ANKS1B: variants seen among roughly 807,000 people sequenced by gnomAD.
ANKS1B encodes the protein ankyrin repeat and sterile alpha motif domain-containing protein 1B.
A neutral mutation model predicts 148.3 loss-of-function variants in ANKS1B; 36 were observed. The observed-to-expected ratio is 0.24, with a 90% CI of 0.19 to 0.32. The LOEUF is 0.32. Among genes scored for constraint, ANKS1B ranks in the 10% least tolerant of loss-of-function variants. The pLI, the probability that ANKS1B is intolerant of heterozygous loss-of-function variation, is 1.00. For missense variants in ANKS1B, 1,157 were observed against 1,542.6 expected, an observed-to-expected ratio of 0.75 and a Z score of 4.19; for synonymous variants, 542 against 560.8, an observed-to-expected ratio of 0.97 and a Z score of 0.47.
intron 8 of ANKS1B, among the ~76,000 whole-genome samples, chr12:99,721,671 A>C (rs2058098593): frequency 6.6e-6 from 1 of 152,138 alleles, no homozygotes; most frequent in Non-Finnish European, 1.5e-5. Flanking sequence ...GCCTGCACCC[A>C]GGTGATTAAA....
chr12:99,515,225 A>C (rs1055639857), intron 9 of ANKS1B, among the ~76,000 whole-genome samples: 3 of 152,060 alleles, frequency 2.0e-5, no homozygotes, highest in African/African-American at 4.8e-5. Context: ...ATTGTTATTG[A>C]CTATAGCGCC....
intron 12 of ANKS1B, among the ~76,000 whole-genome samples, chr12:99,320,778 T>G (rs1428894798): frequency 6.6e-6 from 1 of 152,234 alleles, no homozygotes; most frequent in Non-Finnish European, 1.5e-5. Flanking sequence ...AGAGGTGCTC[T>G]GATTTTTAGA....
chr12:98,820,310 A>G (rs1350476268), intron 19 of ANKS1B, among the ~76,000 whole-genome samples: 1 of 152,222 alleles, frequency 6.6e-6, no homozygotes, highest in Non-Finnish European at 1.5e-5. Flanking sequence ...TCCATGCCTC[A>G]GTTTCCTCCT....
chr12:98,854,646 T>C (rs527262638), intron 17 of ANKS1B, among the ~76,000 whole-genome samples: 12 of 152,190 alleles, frequency 7.9e-5, no homozygotes, highest in Non-Finnish European at 1.8e-4. Flanking sequence ...GCAATGTCAT[T>C]TCTTATGCAT....
intron 17 of ANKS1B, among the ~76,000 whole-genome samples, chr12:98,841,189 G>T (rs1444992930): frequency 6.6e-6 from 1 of 152,030 alleles, no homozygotes; most frequent in Non-Finnish European, 1.5e-5. Context: ...TGTGACTGAT[G>T]CTCTCAGTAT....
intron 8 of ANKS1B, among the ~76,000 whole-genome samples, chr12:99,683,365 G>A (rs1440460113): frequency 6.6e-6 from 1 of 151,998 alleles, no homozygotes; most frequent in Non-Finnish European, 1.5e-5. Flanking sequence ...TGCTCACAAA[G>A]TAGAAAAACC....
intron 10 of ANKS1B, among the ~76,000 whole-genome samples, chr12:99,496,748 T>C (rs1229715333): frequency 6.6e-6 from 1 of 152,136 alleles, no homozygotes; most frequent in Non-Finnish European, 1.5e-5. Flanking sequence ...TGGTCAGGAT[T>C]AGATTTATTT....
intron 2 of ANKS1B, among the ~76,000 whole-genome samples, chr12:99,818,826 T>C (rs1186014982): frequency 6.6e-5 from 10 of 151,878 alleles, no homozygotes; most frequent in African/African-American, 2.4e-4. Context: ...TGCTGCTATA[T>C]TTAATTCACA....
chr12:99,963,996 A>C lies in ANKS1B; in HGVS notation c.134+20108T>G, dbSNP rs530284974. Among the ~76,000 whole-genome samples the C allele has an allele frequency of 4.6e-5, 7 of 152,278 alleles. No homozygotes were observed. The East Asian group carries it at 1.3e-3, about 29-fold the overall frequency. ...TTTCGGCATTATCATCATCTTACTA[A>C]AATTCTTGAGAATGCACTTTGCTGA... is the stretch of plus-strand genomic sequence containing the variant. On this transcript the variant is annotated intron_variant, in intron 1 of 26. Transcript: ENST00000683438.
intron 6 of ANKS1B, among the ~76,000 whole-genome samples, 180 bp downstream of exon 6, chr12:99,779,691 A>G (rs1288213668): frequency 6.6e-6 from 1 of 152,216 alleles, no homozygotes; most frequent in Non-Finnish European, 1.5e-5. Context: ...TGAGTAGTTG[A>G]AAAACAAAAA....
chr12:99,903,548 C>T (rs1418663379), intron 1 of ANKS1B, among the ~76,000 whole-genome samples: 1 of 152,112 alleles, frequency 6.6e-6, no homozygotes, highest in African/African-American at 2.4e-5. Flanking sequence ...TCTAGTAATT[C>T]TAGGGTAGTG....
chr12:98,750,190 G>C (rs1028871946), intron 26 of ANKS1B, among the ~76,000 whole-genome samples: 2 of 152,180 alleles, frequency 1.3e-5, no homozygotes, highest in Non-Finnish European at 2.9e-5. Context: ...GTTGGGTTGG[G>C]TCAGTGCTGA....
chr12:99,217,976 G>A (rs990696269), intron 14 of ANKS1B, among the ~76,000 whole-genome samples: 1 of 151,996 alleles, frequency 6.6e-6, no homozygotes, highest in African/African-American at 2.4e-5. Flanking sequence ...TATCTTCTAA[G>A]CCCAATGTTA....
chr12:98,837,458 C>T (rs1056529965), intron 17 of ANKS1B, among the ~76,000 whole-genome samples: 4 of 152,122 alleles, frequency 2.6e-5, no homozygotes, highest in African/African-American at 9.7e-5. Flanking sequence ...GTTGAAACCA[C>T]AGGAGTCAGC....
At chr12:98,894,134 G>A (rs940032330) in intron 17 of ANKS1B, among the ~76,000 whole-genome samples, 1 of 152,128 alleles carries the variant, frequency 6.6e-6, no homozygotes, top group Non-Finnish European at 1.5e-5. Flanking sequence ...AAAGAAATAC[G>A]AGGGAAGAGA....
intron 1 of ANKS1B, among the ~76,000 whole-genome samples, chr12:99,850,281 G>GTCTCTCTCTCTCTCTCTCTCTC (rs71436968): frequency 1.1e-4 from 12 of 114,198 alleles, no homozygotes; most frequent in African/African-American, 3.2e-4. Context: ...AAGCAAGAAA[G>GTCTCTCTCTCTCTCTCTCTCTC]TCTCTCTCTC....
At chr12:99,055,727 G>C (rs934668191) in intron 16 of ANKS1B, among the ~76,000 whole-genome samples, 4 of 149,522 alleles carry the variant, frequency 2.7e-5, no homozygotes, top group African/African-American at 5.0e-5. Flanking sequence ...AACTTGGGGG[G>C]GGGGGAGGTG....
At chr12:99,887,027 G>C (rs1311040423) in intron 1 of ANKS1B, among the ~76,000 whole-genome samples, 2 of 152,150 alleles carry the variant, frequency 1.3e-5, no homozygotes, top group Non-Finnish European at 2.9e-5. Flanking sequence ...AAGCTATCTT[G>C]TATCTTTCAA....
intron 8 of ANKS1B, among the ~76,000 whole-genome samples, chr12:99,716,243 A>G (rs1019786071): frequency 1.4e-5 from 2 of 145,728 alleles, no homozygotes; most frequent in African/African-American, 5.1e-5. Context: ...CCTTATTTCC[A>G]TGCCCTGACC....
Sources: allele counts gnomAD v4.1 joint callset (sites outside exome capture counted in the v4.1 genomes callset), GRCh38; gene constraint gnomAD v4.1.1; transcripts MANE v1.5; gene names NCBI Gene and HGNC (gene_info 2026-07-23, HGNC 2026-07-21).